TAF8: variants seen among roughly 807,000 people sequenced by gnomAD.
TAF8 encodes TATA-box binding protein associated factor 8.
TAF8 carries 47 observed loss-of-function variants against 36.5 expected under a neutral mutation model. That is an observed-to-expected ratio of 1.29 (90% CI 1.02 to 1.64). The LOEUF (loss-of-function observed/expected upper bound fraction) is 1.64, where lower values mean the gene tolerates loss of function less well. Ranked by LOEUF, TAF8 falls within the 40% of genes most tolerant of loss-of-function variation. TAF8 has a pLI of 0.00. For synonymous variants in TAF8, 175 were observed against 159.5 expected, an observed-to-expected ratio of 1.10 and a Z score of -0.73; for missense variants, 420 against 407.6, an observed-to-expected ratio of 1.03 and a Z score of -0.26.
At position 42,082,924 on chromosome 6, in the gene TAF8, T is replaced by C. The variant is rs1765963330; in HGVS notation, c.*5379T>C. 1 of 152,234 alleles carries C rather than the reference T, an allele frequency of 6.6e-6. No homozygotes were observed. Among genetic ancestry groups the C allele is most frequent in the African/African-American group, 2.4e-5 (1 of 41,460 alleles). The allele number at this position is 152,234 out of a possible 1,614,324, so 9.4% of individuals were successfully genotyped here. A position where few individuals can be genotyped will look rare whatever the true frequency, so the allele number is the denominator to read the frequency against. On this transcript the variant is annotated 3_prime_UTR_variant, in exon 9 of 9. Transcript: ENST00000372977. ...TCCTGGAAAAAAATTCAAGGTATTT[T>C]TCCTCCTCTTGGAGCGTGTGGCCTA...
At chr6:42,062,767 C>G (rs1226236131) in intron 5 of TAF8, among the ~76,000 whole-genome samples, 1 of 151,806 alleles carries the variant, frequency 6.6e-6, no homozygotes, top group African/African-American at 2.4e-5. Context: ...GTCTCGAACT[C>G]CTGACCTTGT....
In TAF8 at chr6:42,080,675, C is replaced by T. The variant is rs2127466859; in HGVS notation, c.*3130C>T. On this transcript the variant is annotated 3_prime_UTR_variant, in exon 9 of 9. Coordinates refer to ENST00000372977, the MANE Select transcript of TAF8 (RefSeq NM_138572.3). ...TACAGGCATGAGCCACCGCGCCTGGCCTCAGAGGCTATACTCTTATAATTT... is the reference window on the plus strand; with the variant it reads ...TACAGGCATGAGCCACCGCGCCTGGTCTCAGAGGCTATACTCTTATAATTT... 2 of 984,840 alleles carry T rather than the reference C, an allele frequency of 2.0e-6. No homozygotes were observed. Among genetic ancestry groups the T allele is most frequent in the Admixed American group, 6.2e-5 (1 of 16,252 alleles). The allele number at this position is 984,840 out of a possible 1,614,324, so 61.0% of individuals were successfully genotyped here. A position where few individuals can be genotyped will look rare whatever the true frequency, so the allele number is the denominator to read the frequency against.
At position 42,080,169 on chromosome 6, in the gene TAF8, A is replaced by G. The variant is rs1426204587; in HGVS notation, c.*2624A>G. 3 of 985,264 alleles carry G rather than the reference A, an allele frequency of 3.0e-6. No individual in the cohort carries two copies. Among genetic ancestry groups the G allele is most frequent in the East Asian group, 1.1e-4 (1 of 8,820 alleles). 61.0% of individuals were successfully genotyped at this position (985,264 alleles called of 1,614,324 possible). A position where few individuals can be genotyped will look rare whatever the true frequency, so the allele number is the denominator to read the frequency against. On this transcript the variant is annotated 3_prime_UTR_variant, in exon 9 of 9. Coordinates refer to ENST00000372977, the MANE Select transcript of TAF8 (RefSeq NM_138572.3). ...GATAAGTTTATGAACACAGCCCCAC[A>G]TTCAAGCCGTGGCCAATCCCAGCTG...
rs1765950180 is a variant in TAF8 at position 42,082,386 on chromosome 6, G to C, written c.*4841G>C. 2 of 152,214 alleles carry C rather than the reference G, an allele frequency of 1.3e-5. No homozygotes were observed. Among genetic ancestry groups the C allele is most frequent in the South Asian group, 4.1e-4 (2 of 4,838 alleles). 9.4% of individuals were successfully genotyped at this position (152,214 alleles called of 1,614,324 possible). On this transcript the variant is annotated 3_prime_UTR_variant, in exon 9 of 9. Coordinates refer to ENST00000372977, the MANE Select transcript of TAF8 (RefSeq NM_138572.3). ...CTTGCTCTATCGCCTAGGCTGGATGGAGTGCAGTGGAGCGATCCCAGCTCA... is the reference window on the plus strand; with the variant it reads ...CTTGCTCTATCGCCTAGGCTGGATGCAGTGCAGTGGAGCGATCCCAGCTCA...
intron 5 of TAF8, among the ~76,000 whole-genome samples, chr6:42,059,154 T>TG (rs1288356852): frequency 1.3e-5 from 2 of 151,422 alleles, no homozygotes; most frequent in Non-Finnish European, 1.5e-5. Flanking sequence ...GAGGCCGAGG[T>TG]GGGGGGATCA....
intron 2 of TAF8, 77 bp from the exon 3 acceptor site, chr6:42,055,454 G>T: frequency 9.9e-7 from 1 of 1,006,470 alleles, no homozygotes; most frequent in Non-Finnish European, 1.6e-6. Context: ...GAGTGGAATT[G>T]TTGGCTCATC....
chr6:42,062,469 C>CT (rs1390816114), intron 5 of TAF8, among the ~76,000 whole-genome samples: 1 of 149,924 alleles, frequency 6.7e-6, no homozygotes, highest in Non-Finnish European at 1.5e-5. Context: ...CTTTACAAAC[C>CT]TTTTTTACTT....
intron 6 of TAF8, among the ~76,000 whole-genome samples, 183 bp downstream of exon 6, chr6:42,066,642 A>T (rs564780210): frequency 7.2e-5 from 11 of 152,130 alleles, no homozygotes; most frequent in Non-Finnish European, 1.2e-4. Flanking sequence ...GACGACTCCA[A>T]AACAGTAATG....
At chr6:42,065,801 A>C (rs1449260348) in intron 5 of TAF8, among the ~76,000 whole-genome samples, 1 of 152,242 alleles carries the variant, frequency 6.6e-6, no homozygotes, top group East Asian at 1.9e-4. Context: ...TTTAATTAGA[A>C]ATGAATATTA....
Position 42,079,865 on chromosome 6 carries a change from C to T in TAF8, c.*2320C>T. Reference sequence around the variant, plus strand: ...CACGGTGCCCAGCCCATCTCTTAGTCTTCCATTCCCTTGGTGAATTTGGAA... The same window carrying T: ...CACGGTGCCCAGCCCATCTCTTAGTTTTCCATTCCCTTGGTGAATTTGGAA... On this transcript the variant is annotated 3_prime_UTR_variant, in exon 9 of 9. Coordinates refer to ENST00000372977, the MANE Select transcript of TAF8 (RefSeq NM_138572.3). The T allele has an allele frequency of 2.0e-6, 2 of 985,282 alleles. No individual in the cohort carries two copies. Among genetic ancestry groups the T allele is most frequent in the African/African-American group, 1.7e-5 (1 of 57,284 alleles). The allele number at this position is 985,282 out of a possible 1,614,324, so 61.0% of individuals were successfully genotyped here.
downstream of TAF8, chr6:42,086,841 G>A (rs1030655679): frequency 7.2e-6 from 9 of 1,253,060 alleles, no homozygotes; most frequent in African/African-American, 7.5e-5. Flanking sequence ...GCAAACCCAG[G>A]CTCTGTGCTC....
chr6:42,054,296 G>T (rs1233251351), intron 2 of TAF8, among the ~76,000 whole-genome samples: 2 of 152,134 alleles, frequency 1.3e-5, no homozygotes, highest in African/African-American at 4.8e-5. Context: ...GCCCATCAGA[G>T]AATAAGACCT....
In TAF8 at chr6:42,051,496, C is replaced by T; in HGVS notation, c.185C>T (p.Thr62Ile). 1 of 1,613,998 alleles carries T rather than the reference C, an allele frequency of 6.2e-7. No homozygotes were observed. Among genetic ancestry groups the T allele is most frequent in the Non-Finnish European group, 8.5e-7 (1 of 1,179,986 alleles). Residue 62 changes from threonine to isoleucine, a missense_variant, in exon 2 of 9, where the codon ACA (threonine) becomes ATA (isoleucine). Coordinates refer to ENST00000372977, the MANE Select transcript of TAF8 (RefSeq NM_138572.3). ...GAGAAAGCATCCGTGGAAACGCTGACAGAGATGCTGCAGAGCTGTGAGTAC... is the reference window on the plus strand; with the variant it reads ...GAGAAAGCATCCGTGGAAACGCTGATAGAGATGCTGCAGAGCTGTGAGTAC... ...SAEKASVETL[T>I]EMLQSYISEI...
Position 42,080,952 on chromosome 6 carries a change from A to G in TAF8, c.*3407A>G, listed in dbSNP as rs7745547. 0.27 allele frequency: 268,508 copies of G among 984,056 alleles called. 39,716 individuals carry two copies. The highest frequency in any genetic ancestry group is 0.56 in the African/African-American group (32,209 of 57,202). The allele number at this position is 984,056 out of a possible 1,614,324, so 61.0% of individuals were successfully genotyped here. A position where few individuals can be genotyped will look rare whatever the true frequency, so the allele number is the denominator to read the frequency against. On this transcript the variant is annotated 3_prime_UTR_variant, in exon 9 of 9. Transcript: ENST00000372977. ...AATTTGTGTTCAAAAGTTAACAGCA[A>G]TGTGGACAAATAAGTCAGGCTTAGC...
intron 5 of TAF8, among the ~76,000 whole-genome samples, chr6:42,058,427 C>G (rs1765081376): frequency 6.6e-6 from 1 of 152,164 alleles, no homozygotes; most frequent in Non-Finnish European, 1.5e-5. Flanking sequence ...TGGAACTTAT[C>G]ACTCTGAGCT....
downstream of TAF8, among the ~76,000 whole-genome samples, chr6:42,083,476 C>T (rs906782923): frequency 3.9e-5 from 6 of 152,194 alleles, no homozygotes; most frequent in Admixed American, 6.5e-5. Flanking sequence ...CTATCCTGCA[C>T]GAGTGCCTGC....
intron 2 of TAF8, among the ~76,000 whole-genome samples, chr6:42,053,687 C>A (rs374015634): frequency 6.6e-6 from 1 of 152,044 alleles, no homozygotes; most frequent in Admixed American, 6.6e-5. Context: ...GGAAAACTAC[C>A]TGAGAGAATG....
chr6:42,062,197 A>G (rs1765213246), intron 5 of TAF8, among the ~76,000 whole-genome samples: 1 of 152,090 alleles, frequency 6.6e-6, no homozygotes, highest in African/African-American at 2.4e-5. Context: ...TAGTTTTTTA[A>G]ATAAAATTTT....
downstream of TAF8, chr6:42,087,055 C>T: frequency 2.1e-6 from 1 of 468,850 alleles, no homozygotes; most frequent in Middle Eastern, 6.1e-4. Context: ...CTGAGTGCAC[C>T]ATGTCTTGTG....
Sources: allele counts gnomAD v4.1 joint callset (sites outside exome capture counted in the v4.1 genomes callset), GRCh38; gene constraint gnomAD v4.1.1; transcripts MANE v1.5; gene names NCBI Gene and HGNC (gene_info 2026-07-23, HGNC 2026-07-21).